The following KIRREL3 variants were observed in gnomAD, a reference collection of about 807,000 sequenced individuals.
KIRREL3 encodes the protein kirre like nephrin family adhesion molecule 3.
In KIRREL3, 36 loss-of-function variants were observed where a neutral mutation model predicts 89.7. The ratio of observed to expected loss-of-function variants is 0.40; its 90% CI spans 0.31 to 0.53. KIRREL3 has a LOEUF of 0.53. Ranked by LOEUF, KIRREL3 falls within the 20% of genes least tolerant of loss-of-function variation. The pLI, the probability that KIRREL3 is intolerant of heterozygous loss-of-function variation, is 0.49. For missense variants in KIRREL3, 864 were observed against 1,056.6 expected (o/e 0.82, Z 2.53); for synonymous variants, 445 against 441.4 (o/e 1.01, Z -0.10).
chr11:126,857,077 T>A (rs188265150), intron 1 of KIRREL3, among the ~76,000 whole-genome samples: 165 of 152,360 alleles, frequency 1.1e-3, no homozygotes, highest in African/African-American at 3.8e-3. Context: ...GCATCTGCAT[T>A]TGAGGCCACA....
rs544737653 is a variant in KIRREL3 at position 126,551,431 on chromosome 11, G to T, written c.133+11404C>A. On this transcript the variant is annotated intron_variant, in intron 2 of 16. Transcript: ENST00000525144. The surrounding 1 kb of genome is among the most constrained non-coding windows in gnomAD (Gnocchi z 4.9). ...ACATATGGCAAAAGACTGTAGCAAGGGCTATGGGAGTTATGAGCCGGGAAC... is the reference window on the plus strand; with the variant it reads ...ACATATGGCAAAAGACTGTAGCAAGTGCTATGGGAGTTATGAGCCGGGAAC... Among the ~76,000 whole-genome samples, 22 of 152,248 alleles carry T rather than the reference G, an allele frequency of 1.4e-4. No individual in the cohort carries two copies. The East Asian group carries it at 3.9e-3, about 27-fold the overall frequency.
chr11:126,881,128 G>C (rs545654952), intron 1 of KIRREL3, among the ~76,000 whole-genome samples: 43 of 152,222 alleles, frequency 2.8e-4, no homozygotes, highest in Non-Finnish European at 4.7e-4. Flanking sequence ...CTGCTGACAA[G>C]TACTTTGCTC....
intron 1 of KIRREL3, among the ~76,000 whole-genome samples, chr11:126,803,867 C>T (rs916920343): frequency 1.3e-5 from 2 of 152,210 alleles, no homozygotes; most frequent in Non-Finnish European, 2.9e-5. Context: ...GCCACACATA[C>T]AACATCTATA....
At chr11:126,593,527 A>G (rs1459142141) in intron 1 of KIRREL3, among the ~76,000 whole-genome samples, 1 of 152,174 alleles carries the variant, frequency 6.6e-6, no homozygotes, top group East Asian at 1.9e-4. Context: ...CAGGTGGGCA[A>G]TGAACACCCG....
chr11:126,982,630 C>T (rs1949749129), intron 1 of KIRREL3, among the ~76,000 whole-genome samples: 1 of 152,208 alleles, frequency 6.6e-6, no homozygotes, highest in African/African-American at 2.4e-5. Flanking sequence ...TCTACCCATT[C>T]CCCCAGCCCA....
chr11:126,605,541 C>T lies in KIRREL3; in HGVS notation c.56-42629G>A, dbSNP rs79993389. ...GCACAGCCCACACTTAGCAGCTTGG[C>T]GCACGCAAATAGGAGCTCTGCTCAC... On this transcript the variant is annotated intron_variant, in intron 1 of 16. Transcript: ENST00000525144. This position sits in a 1 kb window ranked among gnomAD's most constrained non-coding sequence, Gnocchi z 5.7. 4.7e-3 allele frequency among the ~76,000 whole-genome samples: 718 copies of T among 152,306 alleles called. 3 individuals are homozygous for T. Among genetic ancestry groups the T allele is most frequent in the African/African-American group, 0.017 (690 of 41,566 alleles).
intron 1 of KIRREL3, among the ~76,000 whole-genome samples, chr11:126,757,034 A>T (rs1949526490): frequency 6.6e-6 from 1 of 152,158 alleles, no homozygotes; most frequent in Non-Finnish European, 1.5e-5. Context: ...TGTTACACAC[A>T]TCATTTCTGA....
At chr11:126,456,529 A>G in intron 6 of KIRREL3, 75 bp from the exon 7 acceptor site, 3 of 949,750 alleles carry the variant, frequency 3.2e-6, no homozygotes, top group Non-Finnish European at 4.8e-6. Context: ...CATGGAGGAT[A>G]CAGCCAGAGA....
rs1291690818 is a variant in KIRREL3, at chr11:126,896,142, A to G, written c.55+104313T>C. On this transcript the variant is annotated intron_variant, in intron 1 of 16. Transcript: ENST00000525144. This position sits in a 1 kb window ranked among gnomAD's most constrained non-coding sequence, Gnocchi z 4.1. ...CCTGAAGAGCACATGTATAGCTTAT[A>G]GCAAATAAAAAGCTGGACCTGTTAA... Among the ~76,000 whole-genome samples the G allele has an allele frequency of 6.6e-6, 1 of 152,242 alleles. No homozygotes were observed. Among genetic ancestry groups the G allele is most frequent in the Non-Finnish European group, 1.5e-5 (1 of 68,044 alleles).
rs752178544 is a variant in KIRREL3 at position 126,424,881 on chromosome 11, T to C, written c.2036A>G (p.Tyr679Cys). Residue 679 changes from tyrosine to cysteine, a missense_variant, in exon 17 of 17, where the codon TAC (tyrosine) becomes TGC (cysteine). Tyr to Cys is a radical substitution (Grantham distance 194, BLOSUM62 -2). Transcript: ENST00000525144. The stretch of plus-strand genomic sequence containing the variant: ...GCGGCCCTGGCCGCTCAGGGTGCTG[T>C]AGATGTTGGTGAAGGACATGCCTGT... ...VPTGMSFTNI[Y>C]STLSGQGRLY... 6.2e-7 allele frequency: 1 copy of C among 1,612,714 alleles called. No individual in the cohort carries two copies. Among genetic ancestry groups the C allele is most frequent in the Non-Finnish European group, 8.5e-7 (1 of 1,178,872 alleles).
intron 1 of KIRREL3, among the ~76,000 whole-genome samples, chr11:126,938,247 C>A: frequency 6.6e-6 from 1 of 152,196 alleles, no homozygotes; most frequent in East Asian, 1.9e-4. Context: ...CAGCAACTTG[C>A]ACTCAGTTTC....
Position 126,837,176 on chromosome 11 carries a change from A to G in KIRREL3, c.55+163279T>C, listed in dbSNP as rs1943809964. ...CTTTAACAAGTGTGTGGCCTTGGGTAAATGATAACTTCATCTAAAATCCAG... is the reference window on the plus strand; with the variant it reads ...CTTTAACAAGTGTGTGGCCTTGGGTGAATGATAACTTCATCTAAAATCCAG... On this transcript the variant is annotated intron_variant, in intron 1 of 16. Coordinates refer to ENST00000525144, the MANE Select transcript of KIRREL3 (RefSeq NM_032531.4). This position sits in a 1 kb window ranked among gnomAD's most constrained non-coding sequence, Gnocchi z 4.7. Among the ~76,000 whole-genome samples, 1 of 152,214 alleles carries G rather than the reference A, an allele frequency of 6.6e-6. No homozygotes were observed. Among genetic ancestry groups the G allele is most frequent in the South Asian group, 2.1e-4 (1 of 4,830 alleles).
At chr11:126,458,001 C>T (rs112172608) in intron 6 of KIRREL3, among the ~76,000 whole-genome samples, 1,920 of 152,294 alleles carry the variant, frequency 0.013, 45 homozygotes, top group African/African-American at 0.042. Context: ...TGCTGCTGGG[C>T]TCCTGGTGGC....
intron 1 of KIRREL3, among the ~76,000 whole-genome samples, chr11:126,847,492 T>C (rs1944187594): frequency 6.6e-6 from 1 of 152,082 alleles, no homozygotes; most frequent in Admixed American, 6.5e-5. Context: ...TATAGGACCT[T>C]AACAGGTGCT....
intron 12 of KIRREL3, 81 bp from the exon 13 acceptor site, chr11:126,435,384 C>T (rs4937132): frequency 3.5e-6 from 5 of 1,421,984 alleles, no homozygotes; most frequent in South Asian, 2.3e-5. Context: ...GCTGCTTGAG[C>T]GGGGCTGGGT....
chr11:126,691,737 G>C (rs750190552), intron 1 of KIRREL3, among the ~76,000 whole-genome samples: 18 of 152,196 alleles, frequency 1.2e-4, no homozygotes, highest in Non-Finnish European at 2.1e-4. Context: ...GATTGATGTT[G>C]CTACTCTAGT....
At chr11:126,451,071 A>ATG (rs201340476) in intron 7 of KIRREL3, among the ~76,000 whole-genome samples, 1 of 121,130 alleles carries the variant, frequency 8.3e-6, no homozygotes, top group Admixed American at 8.0e-5. Flanking sequence ...ATGCATGTGC[A>ATG]TGTGTGTGCG....
rs1412650568 is a variant in KIRREL3, at chr11:126,459,074, G to A, written c.743-2620C>T. Among the ~76,000 whole-genome samples, 5 of 152,164 alleles carry A rather than the reference G, an allele frequency of 3.3e-5. No homozygotes were observed. Among genetic ancestry groups the A allele is most frequent in the Non-Finnish European group, 7.3e-5 (5 of 68,040 alleles). ...CAGAGGAGCTTGGGAATCGCCACCG[G>A]ATCCAAACGCATTGCTGGCCCGTGC... On this transcript the variant is annotated intron_variant, in intron 6 of 16. Coordinates refer to ENST00000525144, the MANE Select transcript of KIRREL3 (RefSeq NM_032531.4). This position sits in a 1 kb window ranked among gnomAD's most constrained non-coding sequence, Gnocchi z 4.8.
intron 11 of KIRREL3, among the ~76,000 whole-genome samples, chr11:126,438,708 A>G (rs942579936): frequency 6.6e-6 from 1 of 152,264 alleles, no homozygotes; most frequent in Admixed American, 6.5e-5. Context: ...AGGCGTAGGT[A>G]TTAGTTTTAT....
Sources: allele counts gnomAD v4.1 joint callset (sites outside exome capture counted in the v4.1 genomes callset), GRCh38; gene constraint gnomAD v4.1.1; non-coding constraint Gnocchi (gnomAD v3.1); transcripts MANE v1.5; gene names NCBI Gene and HGNC (gene_info 2026-07-23, HGNC 2026-07-21).